Variants in DTNA observed in about 807,000 individuals in gnomAD.
DTNA encodes the protein dystrophin-related protein 3.
In DTNA, 43 loss-of-function variants were observed where a neutral mutation model predicts 100.7. The ratio of observed to expected loss-of-function variants is 0.43; its 90% CI spans 0.33 to 0.55. The LOEUF (loss-of-function observed/expected upper bound fraction) is 0.55, where lower values mean the gene tolerates loss of function less well. Among genes scored for constraint, DTNA ranks in the 20% least tolerant of loss-of-function variants. The probability of loss-of-function intolerance (pLI) is 0.04; values close to 1 mark genes in which losing one functional copy is unlikely to be tolerated. For missense variants in DTNA, 798 were observed against 953.9 expected (o/e 0.84, Z 2.15); for synonymous variants, 349 against 347.9 (o/e 1.00, Z -0.04).
At chr18:34,710,663 T>C (rs1600602696) in intron 1 of DTNA, among the ~76,000 whole-genome samples, 1 of 145,982 alleles carries the variant, frequency 6.9e-6, no homozygotes, top group East Asian at 1.9e-4. Context: ...TATGGCAGTG[T>C]GTGTGTGTGG....
chr18:34,578,845 T>C (rs945336214), intron 1 of DTNA, among the ~76,000 whole-genome samples: 2 of 152,186 alleles, frequency 1.3e-5, no homozygotes, highest in African/African-American at 4.8e-5. Flanking sequence ...TTTATACCAC[T>C]ACCATGCTGT....
intron 1 of DTNA, among the ~76,000 whole-genome samples, chr18:34,666,761 G>C (rs2075990037): frequency 6.6e-6 from 1 of 152,072 alleles, no homozygotes; most frequent in African/African-American, 2.4e-5. Context: ...TGAGGCCTCT[G>C]TTCTGTTCCA....
chr18:34,807,008 T>C (rs962566841), intron 5 of DTNA, among the ~76,000 whole-genome samples: 1 of 151,996 alleles, frequency 6.6e-6, no homozygotes, highest in Non-Finnish European at 1.5e-5. Flanking sequence ...GAACCCTGAC[T>C]TTTTTTTCTA....
intron 1 of DTNA, among the ~76,000 whole-genome samples, chr18:34,718,271 A>G (rs1193821170): frequency 6.6e-6 from 1 of 152,184 alleles, no homozygotes; most frequent in African/African-American, 2.4e-5. Context: ...TGGGGATGTA[A>G]TGTAACTGAG....
At chr18:34,817,495 G>A (rs576875315) in intron 7 of DTNA, among the ~76,000 whole-genome samples, 5 of 151,778 alleles carry the variant, frequency 3.3e-5, no homozygotes, top group Admixed American at 6.6e-5. Flanking sequence ...AAAGTTAACC[G>A]TCTCTTGAGG....
chr18:34,816,228 G>T (rs2095594190), intron 7 of DTNA, among the ~76,000 whole-genome samples: 1 of 152,126 alleles, frequency 6.6e-6, no homozygotes, highest in Non-Finnish European at 1.5e-5. Flanking sequence ...AAATCTCATG[G>T]TCTTCTTCTC....
Position 34,851,938 on chromosome 18 carries a change from T to G in DTNA, c.1532+10T>G. 1 of 1,613,260 alleles carries G rather than the reference T, an allele frequency of 6.2e-7. No homozygotes were observed. The highest frequency in any genetic ancestry group is 1.1e-5 in the South Asian group (1 of 91,048). On this transcript the variant is annotated intron_variant, in intron 15 of 22. Coordinates refer to ENST00000444659, the MANE Select transcript of DTNA (RefSeq NM_001386795.1). ...TAGAAAACAAGAACAGGTGAGACTT[T>G]GTAGACGTGCTGGCTTGTTTGATCA...
At chr18:34,801,954 A>C (rs1358479706) in intron 4 of DTNA, among the ~76,000 whole-genome samples, 2 of 152,262 alleles carry the variant, frequency 1.3e-5, no homozygotes, top group Non-Finnish European at 2.9e-5. Context: ...ACCACATCAC[A>C]GACTCCTAAG....
At chr18:34,634,969 T>C (rs775441539) in intron 1 of DTNA, among the ~76,000 whole-genome samples, 4 of 152,200 alleles carry the variant, frequency 2.6e-5, no homozygotes, top group Non-Finnish European at 4.4e-5. Flanking sequence ...TCTGGTAACA[T>C]GTTAGCATTA....
chr18:34,591,854 A>G (rs1285995385), intron 1 of DTNA, among the ~76,000 whole-genome samples: 1 of 152,214 alleles, frequency 6.6e-6, no homozygotes, highest in Admixed American at 6.5e-5. Context: ...ACCAATCTAT[A>G]TGGGGCATCA....
At chr18:34,759,581 G>A (rs2093004313) in intron 2 of DTNA, among the ~76,000 whole-genome samples, 1 of 152,232 alleles carries the variant, frequency 6.6e-6, no homozygotes, top group Non-Finnish European at 1.5e-5. Flanking sequence ...GGAAGGTCCT[G>A]GGGAGAAATG....
intron 3 of DTNA, among the ~76,000 whole-genome samples, chr18:34,770,352 G>GA (rs958574550): frequency 5.3e-5 from 8 of 151,894 alleles, no homozygotes; most frequent in African/African-American, 1.2e-4. Flanking sequence ...CTATCACCTA[G>GA]AAAAAAAATG....
At chr18:34,649,570 G>A (rs2060217549) in intron 1 of DTNA, among the ~76,000 whole-genome samples, 1 of 151,960 alleles carries the variant, frequency 6.6e-6, no homozygotes, top group Non-Finnish European at 1.5e-5. Context: ...ACAAGTTGTT[G>A]GATTAAATTA....
chr18:34,879,803 A>G, intron 20 of DTNA, 84 bp downstream of exon 20: 1 of 1,555,852 alleles, frequency 6.4e-7, no homozygotes. Flanking sequence ...ATAATTGTTT[A>G]GGGTTTTTTT....
chr18:34,498,298 C>G (rs2039488571), intron 1 of DTNA, among the ~76,000 whole-genome samples: 1 of 151,786 alleles, frequency 6.6e-6, no homozygotes. Flanking sequence ...GCAAGACCTA[C>G]AGGCGGGACC....
At chr18:34,711,995 A>G (rs1487485793) in intron 1 of DTNA, among the ~76,000 whole-genome samples, 1 of 152,160 alleles carries the variant, frequency 6.6e-6, no homozygotes. Context: ...TTTCATAAAC[A>G]TAAGTTGTTA....
In DTNA at chr18:34,884,869, T is replaced by A. The variant is rs574016577; in HGVS notation, c.*31+93T>A. 5.5e-5 allele frequency: 78 copies of A among 1,414,736 alleles called. No homozygotes were observed. In the African/African-American group the frequency reaches 7.5e-4, roughly 14 times the overall value. The allele number at this position is 1,414,736 out of a possible 1,614,324, so 87.6% of individuals were successfully genotyped here. A position where few individuals can be genotyped will look rare whatever the true frequency, so the allele number is the denominator to read the frequency against. ...AATTCACAATCACTTCTCTTAGTCA[T>A]TTCTTTCTATGTGATAAAATACCCT... On this transcript the variant is annotated intron_variant, in intron 22 of 22. Transcript: ENST00000444659.
intron 1 of DTNA, among the ~76,000 whole-genome samples, chr18:34,655,352 A>T (rs1274977097): frequency 5.9e-5 from 9 of 152,118 alleles, no homozygotes; most frequent in Non-Finnish European, 1.3e-4. Flanking sequence ...CAGCCCACCA[A>T]GGCCTCCTCC....
intron 6 of DTNA, among the ~76,000 whole-genome samples, chr18:34,814,914 A>T (rs2095562874): frequency 6.6e-6 from 1 of 152,196 alleles, no homozygotes; most frequent in Non-Finnish European, 1.5e-5. Context: ...AAAATGAATA[A>T]GATCATTTCA....
Sources: allele counts gnomAD v4.1 joint callset (sites outside exome capture counted in the v4.1 genomes callset), GRCh38; gene constraint gnomAD v4.1.1; transcripts MANE v1.5; gene names NCBI Gene and HGNC (gene_info 2026-07-23, HGNC 2026-07-21).